Variants in ROBO2 observed in about 807,000 individuals in gnomAD.
ROBO2 encodes the protein roundabout homolog 2.
ROBO2 carries 53 observed loss-of-function variants against 160.8 expected under a neutral mutation model. That is an observed-to-expected ratio of 0.33 (90% confidence interval 0.26 to 0.41). The LOEUF is 0.41. Among genes scored for constraint, ROBO2 ranks in the 10% least tolerant of loss-of-function variants. ROBO2 has a pLI of 1.00. For synonymous variants in ROBO2, 664 were observed against 611.7 expected (o/e 1.09, Z -1.26); for missense variants, 1,577 against 1,722.4 (o/e 0.92, Z 1.49).
intron 2 of ROBO2, among the ~76,000 whole-genome samples, chr3:76,632,346 C>G (rs1187054249): frequency 6.6e-6 from 1 of 152,160 alleles, no homozygotes; most frequent in African/African-American, 2.4e-5. Flanking sequence ...GTCACACACC[C>G]TTGCTTGCTT....
At chr3:77,621,108 T>C (rs2094890579) in intron 22 of ROBO2, among the ~76,000 whole-genome samples, 1 of 152,142 alleles carries the variant, frequency 6.6e-6, no homozygotes, top group Admixed American at 6.5e-5. Flanking sequence ...GTCACTTAAA[T>C]TTGACCTTCA....
At chr3:76,071,779 AT>A (rs2068463034) in intron 2 of ROBO2, among the ~76,000 whole-genome samples, 2 of 151,960 alleles carry the variant, frequency 1.3e-5, no homozygotes, top group Non-Finnish European at 2.9e-5. Context: ...AAAAATATAT[AT>A]TTTTTAATGA....
At chr3:76,293,907 C>G (rs1038042131) in intron 2 of ROBO2, among the ~76,000 whole-genome samples, 2 of 152,190 alleles carry the variant, frequency 1.3e-5, no homozygotes, top group Non-Finnish European at 2.9e-5. Context: ...GGCCTCCTGC[C>G]ACCATTCACG....
At chr3:76,453,802 T>C (rs1306093253) in intron 2 of ROBO2, among the ~76,000 whole-genome samples, 3 of 152,172 alleles carry the variant, frequency 2.0e-5, no homozygotes, top group African/African-American at 4.8e-5. Context: ...TTTTGTGATA[T>C]ATGATTTAGT....
At chr3:77,211,384 C>G (rs1560245195) in intron 2 of ROBO2, among the ~76,000 whole-genome samples, 1 of 152,172 alleles carries the variant, frequency 6.6e-6, no homozygotes, top group Non-Finnish European at 1.5e-5. Flanking sequence ...GCATAAATGT[C>G]TTCTTTTGAG....
chr3:76,357,882 C>A (rs1051579531), intron 2 of ROBO2, among the ~76,000 whole-genome samples: 4 of 145,450 alleles, frequency 2.8e-5, no homozygotes, highest in African/African-American at 8.1e-5. Context: ...AAAATTATAT[C>A]TAAACTTTAA....
chr3:76,783,761 T>G (rs2062806732), intron 2 of ROBO2, among the ~76,000 whole-genome samples: 1 of 151,000 alleles, frequency 6.6e-6, no homozygotes, highest in Admixed American at 6.6e-5. Flanking sequence ...CATTTCAATA[T>G]TTAGATTTGG....
At chr3:76,266,391 C>T (rs1025659979) in intron 2 of ROBO2, among the ~76,000 whole-genome samples, 6 of 152,124 alleles carry the variant, frequency 3.9e-5, no homozygotes, top group Non-Finnish European at 7.4e-5. Flanking sequence ...GCCACTTCCA[C>T]TAATTTACAT....
At chr3:77,322,322 T>C (rs1252667130) in intron 2 of ROBO2, among the ~76,000 whole-genome samples, 2 of 152,108 alleles carry the variant, frequency 1.3e-5, no homozygotes, top group Non-Finnish European at 2.9e-5. Flanking sequence ...AAATCTATAA[T>C]GAAGAGGTGC....
At chr3:77,641,808 C>T (rs900978311) in intron 24 of ROBO2, among the ~76,000 whole-genome samples, 2 of 151,792 alleles carry the variant, frequency 1.3e-5, no homozygotes, top group Admixed American at 1.3e-4. Context: ...CGAAGGCATA[C>T]AAAATATAAA....
chr3:75,941,506 ATTTGGTT>A (rs1948052422), intron 2 of ROBO2, among the ~76,000 whole-genome samples: 1 of 152,180 alleles, frequency 6.6e-6, no homozygotes, highest in Non-Finnish European at 1.5e-5. Flanking sequence ...ATTTTAATCA[ATTTGGTT>A]TCCACGATGA....
At chr3:76,798,275 A>AG (rs1491280303) in intron 2 of ROBO2, among the ~76,000 whole-genome samples, 22 of 148,388 alleles carry the variant, frequency 1.5e-4, no homozygotes, top group African/African-American at 5.6e-4. Context: ...AAAGAAAGAA[A>AG]GAAAGAAAGA....
intron 2 of ROBO2, among the ~76,000 whole-genome samples, chr3:76,661,420 A>G (rs540844683): frequency 6.6e-6 from 1 of 152,206 alleles, no homozygotes; most frequent in Non-Finnish European, 1.5e-5. Context: ...AAGGTTAAGG[A>G]CATACCCATG....
At chr3:76,522,871 C>A (rs1372760648) in intron 2 of ROBO2, among the ~76,000 whole-genome samples, 1 of 151,668 alleles carries the variant, frequency 6.6e-6, no homozygotes, top group Middle Eastern at 3.2e-3. Flanking sequence ...GTCATATCCC[C>A]CTCATTTCCA....
At chr3:77,183,291 T>C (rs1416623079) in intron 2 of ROBO2, among the ~76,000 whole-genome samples, 1 of 152,068 alleles carries the variant, frequency 6.6e-6, no homozygotes, top group African/African-American at 2.4e-5. Flanking sequence ...CAACTGGACA[T>C]ATGCCTGGGT....
At chr3:76,411,976 C>T (rs1012293324) in intron 2 of ROBO2, among the ~76,000 whole-genome samples, 1 of 152,048 alleles carries the variant, frequency 6.6e-6, no homozygotes, top group African/African-American at 2.4e-5. Context: ...AGTCCATTTT[C>T]ACGCTGCTGA....
intron 2 of ROBO2, among the ~76,000 whole-genome samples, chr3:76,209,178 A>G (rs1164213229): frequency 6.6e-6 from 1 of 152,176 alleles, no homozygotes; most frequent in East Asian, 1.9e-4. Context: ...TGGAAGGGCA[A>G]TTGATGCCCA....
At chr3:77,202,591 A>G (rs2083016014) in intron 2 of ROBO2, among the ~76,000 whole-genome samples, 1 of 152,150 alleles carries the variant, frequency 6.6e-6, no homozygotes. Flanking sequence ...TTTTCTTAGC[A>G]TGAGTAATGA....
Position 76,473,349 on chromosome 3 carries a change from C to T in ROBO2, c.109+535747C>T, listed in dbSNP as rs191177370. Among the ~76,000 whole-genome samples the T allele has an allele frequency of 4.6e-5, 7 of 152,196 alleles. No individual in the cohort carries two copies. In the East Asian group the frequency reaches 5.8e-4, roughly 13 times the overall value. ...CCAATAGAACAATGTCTATTTAGTA[C>T]GATTCATTTTGATGTGTAATGGATT... On this transcript the variant is annotated intron_variant, in intron 2 of 26. Coordinates refer to the ROBO2 transcript ENST00000487694.
Sources: gnomAD v4.1 joint callset for allele counts (sites outside exome capture counted in the v4.1 genomes callset) on GRCh38, gnomAD v4.1.1 for gene constraint, MANE v1.5 for transcripts, NCBI Gene and HGNC (gene_info 2026-07-23, HGNC 2026-07-21) for gene names.